The following DIP2B variants were observed in gnomAD, a reference collection of about 807,000 sequenced individuals.
DIP2B encodes the protein disco-interacting protein 2 homolog B.
Under a neutral mutation model 198.0 loss-of-function variants are expected in DIP2B, and 76 were observed. That is an observed-to-expected ratio of 0.38 (90% CI 0.32 to 0.46). The LOEUF is 0.46. Ranked by LOEUF, DIP2B falls within the 20% of genes least tolerant of loss-of-function variation. The pLI, the probability that DIP2B is intolerant of heterozygous loss-of-function variation, is 0.99. For synonymous variants in DIP2B, 701 were observed against 739.1 expected, an observed-to-expected ratio of 0.95 and a Z score of 0.84; for missense variants, 1,559 against 1,978.4, an observed-to-expected ratio of 0.79 and a Z score of 4.02.
intron 1 of DIP2B, among the ~76,000 whole-genome samples, chr12:50,578,900 A>G (rs774127581): frequency 6.6e-6 from 1 of 152,210 alleles, no homozygotes. Context: ...ATCCACAACA[A>G]TGCATCTCAA....
At chr12:50,637,220 T>C (rs1395853010) in intron 2 of DIP2B, among the ~76,000 whole-genome samples, 2 of 152,184 alleles carry the variant, frequency 1.3e-5, no homozygotes, top group African/African-American at 4.8e-5. Context: ...AATGAGATGG[T>C]AATAGGCAAG....
At chr12:50,738,209 G>A (rs549161979) in intron 35 of DIP2B, among the ~76,000 whole-genome samples, 5 of 152,144 alleles carry the variant, frequency 3.3e-5, no homozygotes, top group South Asian at 2.1e-4. Flanking sequence ...ACATGGTGGC[G>A]TGTGCCCGTA....
At chr12:50,715,522 C>T (rs943094060) in intron 23 of DIP2B, among the ~76,000 whole-genome samples, 3 of 152,202 alleles carry the variant, frequency 2.0e-5, no homozygotes, top group Middle Eastern at 3.4e-3. Context: ...TTTCATTGTC[C>T]TAAACAAGTG....
chr12:50,658,048 G>T (rs1938583838), intron 3 of DIP2B, among the ~76,000 whole-genome samples: 1 of 140,862 alleles, frequency 7.1e-6, no homozygotes, highest in Non-Finnish European at 1.5e-5. Context: ...CCCAGTTCAA[G>T]ACCAACCCTA....
intron 22 of DIP2B, among the ~76,000 whole-genome samples, chr12:50,708,844 G>A (rs1939561264): frequency 6.6e-6 from 1 of 152,234 alleles, no homozygotes; most frequent in Non-Finnish European, 1.5e-5. Flanking sequence ...ACTGTCATAT[G>A]TGGAACACAT....
chr12:50,587,679 A>T (rs1958782896), intron 1 of DIP2B, among the ~76,000 whole-genome samples: 1 of 152,168 alleles, frequency 6.6e-6, no homozygotes, highest in Non-Finnish European at 1.5e-5. Context: ...TTGAGATCTT[A>T]TATGGAAGCA....
At chr12:50,554,551 TC>T (rs1212099870) in intron 1 of DIP2B, among the ~76,000 whole-genome samples, 1 of 152,188 alleles carries the variant, frequency 6.6e-6, no homozygotes, top group Non-Finnish European at 1.5e-5. Flanking sequence ...AATAGGTTGT[TC>T]CTGGAATCTT....
At chr12:50,675,004 A>G (rs1565866953) in intron 6 of DIP2B, among the ~76,000 whole-genome samples, 1 of 152,174 alleles carries the variant, frequency 6.6e-6, no homozygotes, top group Non-Finnish European at 1.5e-5. Context: ...CTCTACTAAA[A>G]ATACAAAAAA....
intron 3 of DIP2B, 75 bp from the exon 4 acceptor site, chr12:50,660,119 A>G (rs1938620074): frequency 1.5e-6 from 2 of 1,291,108 alleles, no homozygotes. Flanking sequence ...CAATTGAGGC[A>G]GTGATAGTTC....
chr12:50,655,354 C>A (rs1001330039), intron 3 of DIP2B, among the ~76,000 whole-genome samples: 2 of 152,192 alleles, frequency 1.3e-5, no homozygotes, highest in African/African-American at 4.8e-5. Flanking sequence ...ATGTATGTAT[C>A]TACTACCTAT....
intron 1 of DIP2B, among the ~76,000 whole-genome samples, chr12:50,589,464 C>T (rs1958800569): frequency 6.6e-6 from 1 of 151,972 alleles, no homozygotes; most frequent in Non-Finnish European, 1.5e-5. Context: ...CAGATGTGAG[C>T]CACCATGCCC....
At chr12:50,573,586 A>G (rs894967766) in intron 1 of DIP2B, among the ~76,000 whole-genome samples, 12 of 152,206 alleles carry the variant, frequency 7.9e-5, no homozygotes, top group Non-Finnish European at 1.6e-4. Context: ...TTTGTAGAAA[A>G]GCCCATTGTA....
chr12:50,623,561 A>G (rs1937871420), intron 1 of DIP2B, among the ~76,000 whole-genome samples: 1 of 151,480 alleles, frequency 6.6e-6, no homozygotes, highest in African/African-American at 2.4e-5. Flanking sequence ...TCACTCACCC[A>G]AGGATAAACA....
intron 1 of DIP2B, among the ~76,000 whole-genome samples, chr12:50,589,922 T>C (rs951729357): frequency 5.9e-5 from 9 of 152,228 alleles, no homozygotes; most frequent in Admixed American, 5.2e-4. Flanking sequence ...TTCTCTCTTT[T>C]ATCTGTTCTC....
intron 3 of DIP2B, among the ~76,000 whole-genome samples, chr12:50,654,359 T>TC (rs2139504659): frequency 6.6e-6 from 1 of 150,812 alleles, no homozygotes; most frequent in South Asian, 2.1e-4. Flanking sequence ...TTTCTTTCTT[T>TC]TTTTTTTTTT....
intron 4 of DIP2B, among the ~76,000 whole-genome samples, chr12:50,670,685 G>A (rs1365348107): frequency 1.3e-5 from 2 of 152,100 alleles, no homozygotes; most frequent in African/African-American, 2.4e-5. Context: ...CCAAAGTGTT[G>A]GGATTACAGG....
rs551448931 is a variant in DIP2B at position 50,560,760 on chromosome 12, T to C, written c.100+55520T>C. Among the ~76,000 whole-genome samples, 3 of 152,076 alleles carry C rather than the reference T, an allele frequency of 2.0e-5. No individual in the cohort carries two copies. The East Asian group carries it at 5.8e-4, about 29-fold the overall frequency. ...AGTGAGACCCTGTCTCAAAAAAAAA[T>C]AAATAAATAAAAAAGTCTTTCTCAA... On this transcript the variant is annotated intron_variant, in intron 1 of 37. Transcript: ENST00000301180.
chr12:50,720,570 A>G (rs977245671), intron 25 of DIP2B, among the ~76,000 whole-genome samples: 2 of 152,188 alleles, frequency 1.3e-5, no homozygotes, highest in Non-Finnish European at 2.9e-5. Context: ...CCACCTCTGC[A>G]TGAAGTGAGC....
At chr12:50,571,943 A>G (rs888505977) in intron 1 of DIP2B, among the ~76,000 whole-genome samples, 2 of 152,172 alleles carry the variant, frequency 1.3e-5, no homozygotes, top group African/African-American at 4.8e-5. Context: ...CTGTCTTTCC[A>G]GTTCAACTTT....
Sources: allele counts gnomAD v4.1 joint callset (sites outside exome capture counted in the v4.1 genomes callset), GRCh38; gene constraint gnomAD v4.1.1; transcripts MANE v1.5; gene names NCBI Gene and HGNC (gene_info 2026-07-23, HGNC 2026-07-21).